Variants in ASIC2 observed in about 807,000 individuals in gnomAD.
ASIC2 encodes acid sensing ion channel subunit 2.
Under a neutral mutation model 57.3 loss-of-function variants are expected in ASIC2, and 25 were observed. The ratio of observed to expected loss-of-function variants is 0.44; its 90% CI spans 0.32 to 0.61. ASIC2 has a LOEUF of 0.61. Ranked by LOEUF, ASIC2 falls within the 20% of genes least tolerant of loss-of-function variation. The pLI is 0.06. For synonymous variants in ASIC2, 319 were observed against 307.5 expected, an observed-to-expected ratio of 1.04 and a Z score of -0.39; for missense variants, 641 against 738.1, an observed-to-expected ratio of 0.87 and a Z score of 1.52.
intron 1 of ASIC2, among the ~76,000 whole-genome samples, chr17:33,601,019 A>T (rs143699780): frequency 1.0e-3 from 154 of 152,344 alleles, no homozygotes; most frequent in African/African-American, 3.6e-3. Context: ...TCTAAGCAGC[A>T]AAGCATTCAA....
intron 1 of ASIC2, among the ~76,000 whole-genome samples, chr17:33,242,932 C>T (rs761670458): frequency 6.6e-5 from 10 of 152,194 alleles, no homozygotes; most frequent in Non-Finnish European, 1.3e-4. Flanking sequence ...GCCACACCCT[C>T]ACTCCTGCAC....
At chr17:33,620,240 GAAAA>G (rs35560840) in intron 1 of ASIC2, among the ~76,000 whole-genome samples, 4 of 74,900 alleles carry the variant, frequency 5.3e-5, no homozygotes. Flanking sequence ...AGAGGAAAAT[GAAAA>G]AAAAAAAAAA....
intron 1 of ASIC2, among the ~76,000 whole-genome samples, chr17:33,126,414 T>C (rs1244279590): frequency 6.6e-6 from 1 of 152,194 alleles, no homozygotes; most frequent in Non-Finnish European, 1.5e-5. Flanking sequence ...TACTTTTTCA[T>C]GTGTCGAATG....
At chr17:33,837,139 G>A (rs911985442) in intron 1 of ASIC2, among the ~76,000 whole-genome samples, 1 of 152,120 alleles carries the variant, frequency 6.6e-6, no homozygotes, top group African/African-American at 2.4e-5. Context: ...TCCCTGGTGT[G>A]ATGTCAAGTC....
chr17:33,491,191 C>G (rs1475918843), intron 1 of ASIC2, among the ~76,000 whole-genome samples: 2 of 152,196 alleles, frequency 1.3e-5, no homozygotes, highest in African/African-American at 4.8e-5. Flanking sequence ...CACAGGACAT[C>G]AAGCATCCAG....
intron 1 of ASIC2, among the ~76,000 whole-genome samples, chr17:33,285,248 G>A (rs1226171015): frequency 1.3e-5 from 2 of 152,210 alleles, no homozygotes; most frequent in Non-Finnish European, 2.9e-5. Flanking sequence ...TTGGATATCT[G>A]CAGACCTGAG....
At chr17:34,135,725 C>A (rs190464482) in intron 1 of ASIC2, among the ~76,000 whole-genome samples, 3 of 151,954 alleles carry the variant, frequency 2.0e-5, no homozygotes, top group Non-Finnish European at 4.4e-5. Context: ...ACTTGCACTC[C>A]ACAAATATAT....
At chr17:33,107,122 T>A (rs1356737097) in intron 2 of ASIC2, among the ~76,000 whole-genome samples, 1 of 152,044 alleles carries the variant, frequency 6.6e-6, no homozygotes, top group East Asian at 1.9e-4. Flanking sequence ...CTTTTATCTT[T>A]GAAGTTACTT....
intron 1 of ASIC2, among the ~76,000 whole-genome samples, chr17:33,965,711 C>T (rs1008901350): frequency 2.6e-5 from 4 of 152,170 alleles, no homozygotes; most frequent in African/African-American, 7.2e-5. Flanking sequence ...TTGGAAGTGA[C>T]GGAGCCTGGA....
chr17:33,965,874 T>C (rs1033398414), intron 1 of ASIC2, among the ~76,000 whole-genome samples: 1 of 152,182 alleles, frequency 6.6e-6, no homozygotes, highest in Non-Finnish European at 1.5e-5. Flanking sequence ...CTTCCTTTCA[T>C]GCCAGGGAAG....
chr17:33,373,832 C>G (rs1401739614), intron 1 of ASIC2, among the ~76,000 whole-genome samples: 1 of 152,046 alleles, frequency 6.6e-6, no homozygotes, highest in African/African-American at 2.4e-5. Flanking sequence ...AGGCCCACCA[C>G]CATGCTGGCT....
intron 1 of ASIC2, among the ~76,000 whole-genome samples, chr17:33,141,953 C>A (rs948093970): frequency 1.3e-5 from 2 of 152,198 alleles, no homozygotes; most frequent in Non-Finnish European, 2.9e-5. Context: ...ATAAGGACAT[C>A]TTCAATTTGT....
chr17:33,543,698 A>G (rs1232721585), intron 1 of ASIC2, among the ~76,000 whole-genome samples: 4 of 152,160 alleles, frequency 2.6e-5, no homozygotes, highest in East Asian at 1.9e-4. Flanking sequence ...CTCGCTTAGT[A>G]CTCTCAATAA....
At chr17:33,264,336 A>C (rs528615253) in intron 1 of ASIC2, among the ~76,000 whole-genome samples, 1 of 152,378 alleles carries the variant, frequency 6.6e-6, no homozygotes, top group South Asian at 2.1e-4. Context: ...GCATGGCATG[A>C]CTGCAAGTGC....
chr17:34,039,418 A>G (rs1908014243), intron 1 of ASIC2: 2 of 1,613,730 alleles, frequency 1.2e-6, no homozygotes, highest in East Asian at 2.2e-5. Context: ...TGCTAGCATC[A>G]CTGACATGAG....
intron 1 of ASIC2, among the ~76,000 whole-genome samples, chr17:33,269,053 C>T (rs1474476207): frequency 2.0e-5 from 3 of 152,088 alleles, no homozygotes; most frequent in African/African-American, 4.8e-5. Context: ...ACAGGTGTGA[C>T]GTTGATATGT....
chr17:33,456,151 A>G (rs1289850967), intron 1 of ASIC2, among the ~76,000 whole-genome samples: 2 of 152,076 alleles, frequency 1.3e-5, no homozygotes, highest in African/African-American at 4.8e-5. Context: ...TGCCTCATCC[A>G]TTACCTTGAA....
At chr17:33,040,044 T>A (rs182753703) in intron 3 of ASIC2, among the ~76,000 whole-genome samples, 56 of 152,356 alleles carry the variant, frequency 3.7e-4, no homozygotes, top group Non-Finnish European at 7.3e-5. Context: ...AGGCTAGATG[T>A]TAAGATATTT....
At chr17:33,973,888 C>T (rs1044114379) in intron 1 of ASIC2, among the ~76,000 whole-genome samples, 1 of 152,122 alleles carries the variant, frequency 6.6e-6, no homozygotes, top group African/African-American at 2.4e-5. Flanking sequence ...GGATGCCTTG[C>T]CAGTCCCACT....
Sources: allele counts gnomAD v4.1 joint callset (sites outside exome capture counted in the v4.1 genomes callset), GRCh38; gene constraint gnomAD v4.1.1; transcripts MANE v1.5; gene names NCBI Gene and HGNC (gene_info 2026-07-23, HGNC 2026-07-21).